The following LDLRAD1 variants were observed in gnomAD, a reference collection of about 807,000 sequenced individuals.
LDLRAD1 encodes low-density lipoprotein receptor class A domain-containing protein 1.
Under a neutral mutation model 24.8 loss-of-function variants are expected in LDLRAD1, and 17 were observed. The observed-to-expected ratio is 0.69, with a 90% CI of 0.47 to 1.03. The LOEUF (loss-of-function observed/expected upper bound fraction) is 1.03. Ranked by LOEUF, LDLRAD1 falls within the 50% of genes least tolerant of loss-of-function variation. The pLI is 0.00. For missense variants in LDLRAD1, 277 were observed against 271.0 expected (o/e 1.02, Z -0.16); for synonymous variants, 103 against 108.2 (o/e 0.95, Z 0.30).
intron 3 of LDLRAD1, 100 bp downstream of exon 3, chr1:54,014,136 C>A (rs1276989779): frequency 1.2e-5 from 17 of 1,412,618 alleles, no homozygotes; most frequent in Non-Finnish European, 1.5e-5. Flanking sequence ...TCCAAAGTCA[C>A]CTGGTGGAGA....
chr1:54,010,520 G>T, intron 4 of LDLRAD1, 110 bp from the exon 5 acceptor site: 1 of 1,059,350 alleles, frequency 9.4e-7, no homozygotes, highest in Non-Finnish European at 1.4e-6. Context: ...CAGGATCAGT[G>T]CCCATCCAGC....
Position 54,010,429 on chromosome 1 carries a change from G to A in LDLRAD1, c.341-19C>T, listed in dbSNP as rs1273539624. On this transcript the variant is annotated intron_variant, in intron 4 of 5. Coordinates refer to ENST00000371360, the MANE Select transcript of LDLRAD1 (RefSeq NM_001010978.4). The stretch of plus-strand genomic sequence containing the variant: ...ACATCTCCTGTAGAGGTACAGAGGA[G>A]GCAGGAAGAAGTCCACATCTGGCCA... The A allele has an allele frequency of 2.5e-6, 4 of 1,613,280 alleles. No homozygotes were observed. Among genetic ancestry groups the A allele is most frequent in the Non-Finnish European group, 3.4e-6 (4 of 1,179,916 alleles).
intron 4 of LDLRAD1, among the ~76,000 whole-genome samples, chr1:54,011,160 G>C (rs1387696553): frequency 1.3e-5 from 2 of 152,132 alleles, no homozygotes; most frequent in Admixed American, 1.3e-4. Flanking sequence ...CCTGGAGAAG[G>C]GGATGTGGCG....
intron 3 of LDLRAD1, among the ~76,000 whole-genome samples, chr1:54,012,762 T>C (rs1656114912): frequency 6.6e-6 from 1 of 152,126 alleles, no homozygotes; most frequent in South Asian, 2.1e-4. Context: ...CATAATTCCT[T>C]CTATCTGGGC....
chr1:54,011,777 C>CGACAACCAGTGT, intron 4 of LDLRAD1, among the ~76,000 whole-genome samples: 1 of 152,306 alleles, frequency 6.6e-6, no homozygotes, highest in Admixed American at 6.5e-5. Context: ...CAATCAAGAG[C>CGACAACCAGTGT]GACAACCAGT....
At chr1:54,009,256 AGT>A (rs1206215114) in intron 5 of LDLRAD1, 126 bp from the exon 6 acceptor site, 7 of 828,142 alleles carry the variant, frequency 8.5e-6, no homozygotes, top group Non-Finnish European at 1.4e-5. Context: ...ACGTGAGTTG[AGT>A]GTGTTCCTAG....
At chr1:54,014,178 T>C in intron 3 of LDLRAD1, 58 bp downstream of exon 3, 1 of 1,548,410 alleles carries the variant, frequency 6.5e-7, no homozygotes, top group Non-Finnish European at 8.7e-7. Context: ...CTCATCTCTC[T>C]GTGCCCTCCC....
intron 2 of LDLRAD1, among the ~76,000 whole-genome samples, chr1:54,015,617 C>T (rs1222831909): frequency 6.6e-6 from 1 of 151,254 alleles, no homozygotes; most frequent in Non-Finnish European, 1.5e-5. Context: ...GGGCCCAGCC[C>T]AGAGCCAGGC....
intron 1 of LDLRAD1, 71 bp downstream of exon 1, chr1:54,018,021 C>CCTGGGGACAGCTCTT: frequency 7.2e-7 from 1 of 1,394,682 alleles, no homozygotes; most frequent in Non-Finnish European, 1.0e-6. Flanking sequence ...GGACAGCTCT[C>CCTGGGGACAGCTCTT]ACCTGGGGAC....
intron 5 of LDLRAD1, among the ~76,000 whole-genome samples, 175 bp from the exon 6 acceptor site, chr1:54,009,305 C>T (rs777179815): frequency 2.0e-5 from 3 of 152,306 alleles, no homozygotes; most frequent in South Asian, 4.1e-4. Flanking sequence ...CTCCACAGCT[C>T]ACAGGCTATG....
Position 54,008,874 on chromosome 1 carries a change from C to CTCGGTGGTCA in LDLRAD1, c.*107_*108insTGACCACCGA. On this transcript the variant is annotated 3_prime_UTR_variant, in exon 6 of 6. Transcript: ENST00000371360. ...TCCTATTCAGAAATGATGTGTAGAT[C>CTCGGTGGTCA]CCATTTCAAAGGCTGCTTCCTGCCC... The CTCGGTGGTCA allele has an allele frequency of 1.4e-5, 14 of 992,500 alleles. No individual in the cohort carries two copies. Among genetic ancestry groups the CTCGGTGGTCA allele is most frequent in the South Asian group, 3.3e-5 (2 of 59,718 alleles). 61.5% of individuals were successfully genotyped at this position (992,500 alleles called of 1,614,324 possible). A position where few individuals can be genotyped will look rare whatever the true frequency, so the allele number is the denominator to read the frequency against.
In LDLRAD1 at chr1:54,014,263, TG is replaced by T. The variant is rs757582315; in HGVS notation, c.174del (p.Ile59PhefsTer15). 1.9e-6 allele frequency: 3 copies of T among 1,558,060 alleles called. No homozygotes were observed. In the South Asian group the frequency reaches 3.5e-5, roughly 18 times the overall value. On this transcript the variant is annotated frameshift_variant, in exon 3 of 6. Transcript: ENST00000371360. LOFTEE classifies it high-confidence loss of function. Reference sequence around the variant, plus strand: ...GGGGTGCATGATGGGAGTCCAAGAATGGTGACCAAGGCGATGAGGGCCGCCA... The same window carrying T: ...GGGGTGCATGATGGGAGTCCAAGAATGTGACCAAGGCGATGAGGGCCGCCA... ...ATVAALIALV[T>X]ILGLPSCTPG...
chr1:54,012,018 G>A, intron 4 of LDLRAD1, 125 bp downstream of exon 4: 4 of 1,160,262 alleles, frequency 3.4e-6, no homozygotes, highest in Non-Finnish European at 4.9e-6. Context: ...AGGTGTTCCT[G>A]GATGAAGGCA....
Position 54,015,819 on chromosome 1 carries a change from C to A in LDLRAD1, c.74-1455G>T, listed in dbSNP as rs112072642. Among the ~76,000 whole-genome samples, 591 of 152,124 alleles carry A rather than the reference C, an allele frequency of 3.9e-3. 5 individuals carry two copies. The highest frequency in any genetic ancestry group is 0.013 in the African/African-American group (560 of 41,506). ...GACAGGCGCCCGCCACCATGCCTGG[C>A]TAATTTTTGTATTTTTAGTAGAGAC... On this transcript the variant is annotated intron_variant, in intron 2 of 5. Transcript: ENST00000371360.
intron 3 of LDLRAD1, among the ~76,000 whole-genome samples, chr1:54,013,480 G>A (rs1020348631): frequency 1.1e-4 from 15 of 139,578 alleles, no homozygotes; most frequent in African/African-American, 4.2e-4. Context: ...GTGGCTCCTG[G>A]ACTATGACCT....
In LDLRAD1 at chr1:54,014,334, C is replaced by T. The variant is rs892241900; in HGVS notation, c.104G>A (p.Arg35His). The T allele has an allele frequency of 1.2e-5, 18 of 1,548,210 alleles. No individual in the cohort carries two copies. The highest frequency in any genetic ancestry group is 4.4e-4 in the Middle Eastern group (2 of 4,562). ...CAGAGAGGCAGAGAGGCAGGCCCCGCGACGTGAGCAGCAGAGGTGGCCGCC... is the reference window on the plus strand; with the variant it reads ...CAGAGAGGCAGAGAGGCAGGCCCCGTGACGTGAGCAGCAGAGGTGGCCGCC... ...AGGGHLCCSR[R>H]GACLSASLLL... Residue 35 changes from arginine to histidine, a missense_variant, in exon 3 of 6, where the codon CGC (arginine) becomes CAC (histidine). Arg to His is a conservative substitution (Grantham distance 29, BLOSUM62 0). Coordinates refer to ENST00000371360, the MANE Select transcript of LDLRAD1 (RefSeq NM_001010978.4).
intron 5 of LDLRAD1, 40 bp from the exon 6 acceptor site, chr1:54,009,170 C>T (rs928923817): frequency 1.2e-6 from 2 of 1,604,326 alleles, no homozygotes; most frequent in South Asian, 2.2e-5. Context: ...GTTGCTGTGT[C>T]CTGGAACGCT....
intron 3 of LDLRAD1, among the ~76,000 whole-genome samples, chr1:54,014,030 C>T (rs1656183123): frequency 6.6e-6 from 1 of 152,094 alleles, no homozygotes; most frequent in Non-Finnish European, 1.5e-5. Flanking sequence ...TCTCAATAAT[C>T]ATGTCACAGA....
chr1:54,010,079 C>A (rs892937410), intron 5 of LDLRAD1, among the ~76,000 whole-genome samples: 2 of 152,182 alleles, frequency 1.3e-5, no homozygotes, highest in African/African-American at 4.8e-5. Flanking sequence ...TTCCCCACTG[C>A]AGAAGAATGA....
Sources: gnomAD v4.1 joint callset for allele counts (sites outside exome capture counted in the v4.1 genomes callset) on GRCh38, gnomAD v4.1.1 for gene constraint, MANE v1.5 for transcripts, NCBI Gene and HGNC (gene_info 2026-07-23, HGNC 2026-07-21) for gene names.